The following SIRT6 variants were observed in gnomAD, a reference collection of about 807,000 sequenced individuals.
The protein encoded by SIRT6 is sirtuin 6, also known as NAD-dependent protein deacylase sirtuin-6.
SIRT6 carries 21 observed loss-of-function variants against 33.6 expected under a neutral mutation model. That is an observed-to-expected ratio of 0.62 (90% confidence interval 0.44 to 0.90). SIRT6 has a LOEUF of 0.90. Ranked by LOEUF, SIRT6 falls within the 40% of genes least tolerant of loss-of-function variation. SIRT6 has a pLI of 0.00. For missense variants in SIRT6, 504 were observed against 510.6 expected, an observed-to-expected ratio of 0.99 and a Z score of 0.12; for synonymous variants, 221 against 223.9, an observed-to-expected ratio of 0.99 and a Z score of 0.12.
rs189812544 is a variant in SIRT6 at position 4,180,916 on chromosome 19, G to C, written c.67-7C>G. The C allele has an allele frequency of 8.4e-4, 1,344 of 1,608,312 alleles. 1 individual carries two copies. Among genetic ancestry groups the C allele is most frequent in the Non-Finnish European group, 1.1e-3 (1,260 of 1,177,426 alleles). On this transcript the variant is annotated splice_region_variant and splice_polypyrimidine_tract_variant and intron_variant, in intron 1 of 7. Transcript: ENST00000337491. ...CCTCCGGGGGGTCGAAGATCTGTGG[G>C]GGGAGAGAGCAGACGGAGGGGTCAA...
intron 2 of SIRT6, 187 bp from the exon 3 acceptor site, chr19:4,179,473 G>A (rs1967500027): frequency 1.6e-6 from 1 of 627,294 alleles, no homozygotes; most frequent in Non-Finnish European, 2.7e-6. Flanking sequence ...AGGGAGAGGG[G>A]GATAGAACAA....
intron 1 of SIRT6, among the ~76,000 whole-genome samples, chr19:4,181,480 T>G (rs1205301197): frequency 6.6e-6 from 1 of 152,122 alleles, no homozygotes; most frequent in Non-Finnish European, 1.5e-5. Context: ...GCTCTATAAA[T>G]GTTGGTGGAA....
rs752076200 is a variant in SIRT6 at position 4,175,759 on chromosome 19, C to A, written c.535G>T (p.Gly179Ter). 1.3e-6 allele frequency: 2 copies of A among 1,578,254 alleles called. No individual in the cohort carries two copies. Among genetic ancestry groups the A allele is most frequent in the East Asian group, 2.3e-5 (1 of 43,184 alleles). Reference protein sequence around the residue: ...AKARGLRACRGELRDTILDWE... With the variant: ...AKARGLRACR The stretch of plus-strand genomic sequence containing the variant: ...TCTAGGATGGTGTCCCTCAGCTCTC[C>A]CCTGCAATGAGGAAGCTGAGGAGAG... The change falls in exon 6 of 8, where the codon GGA becomes TGA. Residue 179 changes from glycine (G) to a stop codon, truncating the protein, a stop_gained and splice_region_variant. Coordinates refer to ENST00000337491, the MANE Select transcript of SIRT6 (RefSeq NM_016539.4). LOFTEE classifies it high-confidence loss of function.
intron 1 of SIRT6, 192 bp downstream of exon 1, chr19:4,182,282 G>GACC: frequency 1.8e-6 from 1 of 569,600 alleles, no homozygotes. Flanking sequence ...CCGACAGGGT[G>GACC]ACCACAGAGT....
rs1250430074 is a variant in SIRT6, at chr19:4,174,792, TC to T, written c.892del (p.Glu298SerfsTer51). On this transcript the variant is annotated frameshift_variant, in exon 8 of 8. Transcript: ENST00000337491. LOFTEE classifies it low-confidence loss of function (END_TRUNC). This position sits in a 1 kb window ranked among gnomAD's most constrained non-coding sequence, Gnocchi z 4.2. ...PLPRPPTPKL[E>X]PKEESPTRIN... The stretch of plus-strand genomic sequence containing the variant: ...CCGGGTGGGAGATTCCTCCTTGGGC[TC>T]CAGCTTGGGGGTGGGCGGGCGGGGC... 1.1e-5 allele frequency: 6 copies of T among 525,658 alleles called. No homozygotes were observed. In the African/African-American group the frequency reaches 2.3e-4, roughly 20 times the overall value. 32.6% of individuals were successfully genotyped at this position (525,658 alleles called of 1,614,324 possible).
At chr19:4,181,022 T>G in intron 1 of SIRT6, 113 bp from the exon 2 acceptor site, 1 of 1,390,368 alleles carries the variant, frequency 7.2e-7, no homozygotes, top group Non-Finnish European at 9.7e-7. Context: ...GAAAATGGAT[T>G]GGAAAAGGCA....
chr19:4,174,592 G>GA lies in SIRT6; in HGVS notation c.*24_*25insT. On this transcript the variant is annotated 3_prime_UTR_variant, in exon 8 of 8. Transcript: ENST00000337491. This position sits in a 1 kb window ranked among gnomAD's most constrained non-coding sequence, Gnocchi z 4.2. ...AAAGAATCCACAGTTTCTACAAAAAGCCCCACCCTCCCCAAGCACCCTGGT... is the reference window on the plus strand; with the variant it reads ...AAAGAATCCACAGTTTCTACAAAAAGACCCCACCCTCCCCAAGCACCCTGGT... The GA allele has an allele frequency of 1.4e-6, 2 of 1,417,320 alleles. No homozygotes were observed. The highest frequency in any genetic ancestry group is 1.8e-6 in the Non-Finnish European group (2 of 1,081,146). The allele number at this position is 1,417,320 out of a possible 1,614,324, so 87.8% of individuals were successfully genotyped here. A position where few individuals can be genotyped will look rare whatever the true frequency, so the allele number is the denominator to read the frequency against.
intron 1 of SIRT6, among the ~76,000 whole-genome samples, chr19:4,181,218 A>G (rs1242160133): frequency 6.6e-6 from 1 of 151,706 alleles, no homozygotes; most frequent in Admixed American, 6.6e-5. Context: ...TTGTTCCTCT[A>G]TCACACCAGG....
At chr19:4,181,651 G>C (rs1480628679) in intron 1 of SIRT6, among the ~76,000 whole-genome samples, 1 of 152,160 alleles carries the variant, frequency 6.6e-6, no homozygotes, top group Non-Finnish European at 1.5e-5. Context: ...GCCAGGCGTG[G>C]TGGCAGGTGC....
intron 6 of SIRT6, 49 bp downstream of exon 6, chr19:4,175,631 T>C (rs1568293829): frequency 7.0e-7 from 1 of 1,434,304 alleles, no homozygotes; most frequent in East Asian, 2.5e-5. Flanking sequence ...GTTTCTGCTG[T>C]CGTCCCGCCC....
At chr19:4,179,632 A>T (rs773386683) in intron 2 of SIRT6, 1 of 302,394 alleles carries the variant, frequency 3.3e-6, no homozygotes, top group African/African-American at 2.2e-5. Context: ...TGCTGCTGCA[A>T]TGAGCCCGAC....
chr19:4,175,188 G>T, intron 6 of SIRT6, 37 bp from the exon 7 acceptor site: 1 of 1,574,160 alleles, frequency 6.4e-7, no homozygotes, highest in Non-Finnish European at 8.6e-7. Context: ...CTGATGCCCT[G>T]CTCCTGCCAA....
rs199665857 is a variant in SIRT6, at chr19:4,175,160, G to T, written c.615-9C>A. 1 of 1,595,708 alleles carries T rather than the reference G, an allele frequency of 6.3e-7. No homozygotes were observed. ...TGGACAGGTCGGCGTTCCTGGGGCC[G>T]GGGAGCGTGGGCTGAGCCTGATGCC... On this transcript the variant is annotated splice_polypyrimidine_tract_variant and intron_variant, in intron 6 of 7. Transcript: ENST00000337491.
At chr19:4,177,419 G>T (rs984700028) in intron 3 of SIRT6, among the ~76,000 whole-genome samples, 2 of 151,816 alleles carry the variant, frequency 1.3e-5, no homozygotes, top group African/African-American at 4.8e-5. Context: ...CTCACAAAAT[G>T]CCCGTCCCCC....
chr19:4,175,522 A>G, intron 6 of SIRT6, 158 bp downstream of exon 6: 1 of 675,810 alleles, frequency 1.5e-6, no homozygotes, highest in African/African-American at 1.8e-5. Flanking sequence ...AGTGTGTGTG[A>G]GTGCGTGTGT....
intron 4 of SIRT6, among the ~76,000 whole-genome samples, chr19:4,176,391 C>T (rs1335521869): frequency 1.3e-5 from 2 of 152,188 alleles, no homozygotes; most frequent in Non-Finnish European, 2.9e-5. Context: ...GAGTTCGACA[C>T]CAGCCTGGCC....
chr19:4,181,140 G>T (rs955151117), intron 1 of SIRT6, among the ~76,000 whole-genome samples: 2 of 151,856 alleles, frequency 1.3e-5, no homozygotes. Flanking sequence ...TACCTCCCTT[G>T]CCCCCTCCCT....
chr19:4,175,930 C>T lies in SIRT6; in HGVS notation c.445G>A (p.Val149Ile), dbSNP rs200364417. 34 of 1,565,814 alleles carry T rather than the reference C, an allele frequency of 2.2e-5. No homozygotes were observed. In the African/African-American group the frequency reaches 2.7e-4, roughly 12 times the overall value. Reference sequence around the variant, plus strand: ...ATGGTGCCCACGACTGTGTCTCGGACGTACTGCCTGTGTCAGGGAGGAAGG... The same window carrying T: ...ATGGTGCCCACGACTGTGTCTCGGATGTACTGCCTGTGTCAGGGAGGAAGG... Reference protein sequence around the residue: ...EECAKCKTQYVRDTVVGTMGL... With the variant: ...EECAKCKTQYIRDTVVGTMGL... The change falls in exon 5 of 8, where the codon GTC becomes ATC. Residue 149 changes from valine to isoleucine, a missense_variant. By Grantham distance (29) the Val-to-Ile change is conservative. Coordinates refer to ENST00000337491, the MANE Select transcript of SIRT6 (RefSeq NM_016539.4).
intron 3 of SIRT6, among the ~76,000 whole-genome samples, chr19:4,177,465 G>A (rs1347217174): frequency 2.0e-5 from 3 of 151,776 alleles, no homozygotes; most frequent in South Asian, 2.1e-4. Flanking sequence ...ATGTCACCAG[G>A]TCAGAAGCAC....
Sources: gnomAD v4.1 joint callset for allele counts (sites outside exome capture counted in the v4.1 genomes callset) on GRCh38, gnomAD v4.1.1 for gene constraint, Gnocchi (gnomAD v3.1) non-coding constraint, MANE v1.5 for transcripts, NCBI Gene and HGNC (gene_info 2026-07-23, HGNC 2026-07-21) for gene names.